The following LRBA variants were observed in gnomAD, a reference collection of about 807,000 sequenced individuals.
LRBA encodes the protein LPS responsive beige-like anchor protein.
LRBA carries 176 observed loss-of-function variants against 330.0 expected under a neutral mutation model. The ratio of observed to expected loss-of-function variants is 0.53; its 90% CI spans 0.47 to 0.60. The LOEUF is 0.60. LRBA is among the 20% of genes least tolerant of loss of function. The probability of loss-of-function intolerance (pLI) is 0.00; values close to 1 mark genes in which losing one functional copy is unlikely to be tolerated. For missense variants in LRBA, 3,259 were observed against 3,444.8 expected, an observed-to-expected ratio of 0.95 and a Z score of 1.35; for synonymous variants, 1,230 against 1,193.0, an observed-to-expected ratio of 1.03 and a Z score of -0.64.
At chr4:150,826,578 TACTTTGTCCCTA>T (rs1746317507) in intron 30 of LRBA, among the ~76,000 whole-genome samples, 1 of 152,202 alleles carries the variant, frequency 6.6e-6, no homozygotes, top group Non-Finnish European at 1.5e-5. Context: ...GTTCTATTGA[TACTTTGTCCCTA>T]AAGTCAGGAA....
Position 150,583,836 on chromosome 4 carries a change from C to G in LRBA, c.6330+4212G>C, listed in dbSNP as rs1561387722. 1 of 1,614,214 alleles carries G rather than the reference C, an allele frequency of 6.2e-7. No individual in the cohort carries two copies. ...ACCTGGAGCTACCCGGCCAGCCGCT[C>G]AACAACTACCACATGAAGACGCTGC... is the stretch of plus-strand genomic sequence containing the variant. On this transcript the variant is annotated intron_variant, in intron 40 of 56. Transcript: ENST00000651943. The surrounding 1 kb of genome is among the most constrained non-coding windows in gnomAD (Gnocchi z 9.8).
intron 2 of LRBA, among the ~76,000 whole-genome samples, chr4:150,965,675 G>C (rs958861463): frequency 6.6e-6 from 1 of 151,772 alleles, no homozygotes; most frequent in Non-Finnish European, 1.5e-5. Flanking sequence ...AAGTAGCTGG[G>C]ACTATAGGCA....
chr4:150,467,718 T>A lies in LRBA; in HGVS notation c.6735A>T (p.Glu2245Asp). 1 of 1,610,036 alleles carries A rather than the reference T, an allele frequency of 6.2e-7. No individual in the cohort carries two copies. The highest frequency in any genetic ancestry group is 8.5e-7 in the Non-Finnish European group (1 of 1,177,268). Reference protein sequence around the residue: ...FPWVITNYESEELDLTLPTNF... With the variant: ...FPWVITNYESDELDLTLPTNF... The stretch of plus-strand genomic sequence containing the variant: ...TGGTGGGCAAGGTAAGATCCAGTTC[T>A]TCTGATTCATAATTAGTGATGACCC... Residue 2245 changes from glutamate to aspartate, a missense_variant, in exon 44 of 57, where the codon GAA becomes GAT. Transcript: ENST00000651943.
chr4:150,280,253 A>G (rs1035913344), intron 55 of LRBA, among the ~76,000 whole-genome samples: 3 of 152,142 alleles, frequency 2.0e-5, no homozygotes, highest in African/African-American at 7.2e-5. Context: ...TTGGGTTGTG[A>G]CTAGAGGTTT....
chr4:150,504,216 C>T (rs915699930), intron 40 of LRBA, among the ~76,000 whole-genome samples: 1 of 152,146 alleles, frequency 6.6e-6, no homozygotes, highest in African/African-American at 2.4e-5. Flanking sequence ...GGCAGGCCAA[C>T]ATTCAAATTC....
chr4:150,841,910 C>G (rs756770540), intron 28 of LRBA, among the ~76,000 whole-genome samples: 1 of 152,118 alleles, frequency 6.6e-6, no homozygotes, highest in South Asian at 2.1e-4. Flanking sequence ...CCTGCCTCAG[C>G]CTCCCAAAGT....
At chr4:150,631,769 C>A (rs537418442) in intron 37 of LRBA, among the ~76,000 whole-genome samples, 1 of 152,178 alleles carries the variant, frequency 6.6e-6, no homozygotes, top group South Asian at 2.1e-4. Flanking sequence ...ACAGAAAACA[C>A]CGGAAGGAGG....
intron 40 of LRBA, among the ~76,000 whole-genome samples, chr4:150,505,668 G>C (rs938655995): frequency 6.6e-6 from 1 of 152,086 alleles, no homozygotes; most frequent in African/African-American, 2.4e-5. Flanking sequence ...ACAATTAAAA[G>C]AACTAGAAAA....
chr4:150,539,380 A>G (rs1483819766), intron 40 of LRBA, among the ~76,000 whole-genome samples: 4 of 152,042 alleles, frequency 2.6e-5, no homozygotes, highest in African/African-American at 9.7e-5. Flanking sequence ...TTTTACCCCA[A>G]TTTCTAAACT....
rs534506580 is a variant in LRBA at position 150,519,905 on chromosome 4, T to C, written c.6331-28870A>G. ...TTTTAGCTATCCTAACGTGTAGTAG[T>C]GTCTCCTGGTGGTTTTTCAAGACAA... On this transcript the variant is annotated intron_variant, in intron 40 of 56. Coordinates refer to ENST00000651943, the MANE Select transcript of LRBA (RefSeq NM_001364905.1). Among the ~76,000 whole-genome samples, 11 of 152,332 alleles carry C rather than the reference T, an allele frequency of 7.2e-5. No homozygotes were observed. The East Asian group carries it at 2.1e-3, about 29-fold the overall frequency.
intron 51 of LRBA, chr4:150,311,020 T>A (rs932502976): frequency 6.6e-6 from 1 of 152,176 alleles, no homozygotes; most frequent in Non-Finnish European, 1.5e-5. Context: ...ACTCCTTATT[T>A]AAGCAATAAA....
intron 2 of LRBA, among the ~76,000 whole-genome samples, chr4:150,998,048 CT>C (rs1184797926): frequency 1.3e-5 from 2 of 149,244 alleles, no homozygotes; most frequent in Non-Finnish European, 3.0e-5. Context: ...TTTTTTTTTT[CT>C]TTTTTAAGAG....
intron 9 of LRBA, among the ~76,000 whole-genome samples, chr4:150,910,701 A>C (rs1393010606): frequency 6.6e-6 from 1 of 152,178 alleles, no homozygotes; most frequent in Admixed American, 6.5e-5. Context: ...TATTTATGCA[A>C]AAAATGCCAT....
chr4:150,837,533 C>A (rs548453248), intron 28 of LRBA, among the ~76,000 whole-genome samples: 3 of 152,196 alleles, frequency 2.0e-5, no homozygotes, highest in Admixed American at 2.0e-4. Flanking sequence ...TGAATTGATC[C>A]CTTTACCATT....
intron 29 of LRBA, among the ~76,000 whole-genome samples, chr4:150,831,197 T>C (rs995554315): frequency 3.4e-5 from 5 of 148,750 alleles, no homozygotes; most frequent in African/African-American, 1.3e-4. Flanking sequence ...TCTTTATTAC[T>C]TTCTTTTTTT....
At chr4:150,365,046 G>A (rs2151851252) in intron 47 of LRBA, among the ~76,000 whole-genome samples, 1 of 152,148 alleles carries the variant, frequency 6.6e-6, no homozygotes. Flanking sequence ...GTGTCACTTT[G>A]TTACTCTGGC....
At chr4:150,806,648 A>G (rs964492420) in intron 32 of LRBA, among the ~76,000 whole-genome samples, 10 of 152,098 alleles carry the variant, frequency 6.6e-5, no homozygotes, top group Admixed American at 3.3e-4. Flanking sequence ...AAGCATCAGT[A>G]CTTACTACAA....
intron 37 of LRBA, among the ~76,000 whole-genome samples, chr4:150,616,655 G>A (rs1202874184): frequency 6.6e-6 from 1 of 152,102 alleles, no homozygotes; most frequent in Non-Finnish European, 1.5e-5. Context: ...GTATATGGTG[G>A]GAAAAGAGCT....
At chr4:150,749,644 C>G (rs560310098) in intron 35 of LRBA, among the ~76,000 whole-genome samples, 1 of 152,204 alleles carries the variant, frequency 6.6e-6, no homozygotes, top group South Asian at 2.1e-4. Context: ...TGCCTGTGGT[C>G]CCAGCTACTC....
Sources: gnomAD v4.1 joint callset for allele counts (sites outside exome capture counted in the v4.1 genomes callset) on GRCh38, gnomAD v4.1.1 for gene constraint, Gnocchi (gnomAD v3.1) non-coding constraint, MANE v1.5 for transcripts, NCBI Gene and HGNC (gene_info 2026-07-23, HGNC 2026-07-21) for gene names.